Variants in PECAM1 observed in about 807,000 individuals in gnomAD.
PECAM1 encodes the protein platelet and endothelial cell adhesion molecule 1.
Under a neutral mutation model 13.8 loss-of-function variants are expected in PECAM1, and 8 were observed. The ratio of observed to expected loss-of-function variants is 0.58; its 90% CI spans 0.34 to 1.05. PECAM1 has a LOEUF of 1.05. Among genes scored for constraint, PECAM1 ranks in the 50% least tolerant of loss-of-function variants. The pLI is 0.03. For missense variants in PECAM1, 304 were observed against 141.2 expected (o/e 2.15, Z -5.84); for synonymous variants, 136 against 52.6 (o/e 2.58, Z -6.86).
At chr17:64,352,098 TA>T (rs1467299680) in intron 11 of PECAM1, among the ~76,000 whole-genome samples, 1 of 152,224 alleles carries the variant, frequency 6.6e-6, no homozygotes, top group African/African-American at 2.4e-5. Context: ...TGGAGAATTA[TA>T]ATATTACGCT....
intron 15 of PECAM1, among the ~76,000 whole-genome samples, chr17:64,328,139 A>G (rs2035007998): frequency 6.6e-6 from 1 of 152,184 alleles, no homozygotes; most frequent in Non-Finnish European, 1.5e-5. Flanking sequence ...TTCTGGGTAA[A>G]GTTCTGTCTG....
At chr17:64,338,650 C>G (rs1047832868) in intron 14 of PECAM1, among the ~76,000 whole-genome samples, 33 of 152,130 alleles carry the variant, frequency 2.2e-4, no homozygotes, top group African/African-American at 7.5e-4. Context: ...CTCTGCCTCC[C>G]GGGTTCAAGC....
intron 2 of PECAM1, among the ~76,000 whole-genome samples, chr17:64,385,115 C>CGA (rs2036565075): frequency 6.6e-6 from 1 of 152,204 alleles, no homozygotes; most frequent in African/African-American, 2.4e-5. Context: ...GATTTCCTTA[C>CGA]TGAACCCAAA....
chr17:64,370,565 T>C (rs2036217043), intron 4 of PECAM1: 1 of 152,234 alleles, frequency 6.6e-6, no homozygotes, highest in Non-Finnish European at 1.5e-5. Flanking sequence ...TCATGACTCA[T>C]GCAGTTTGAA....
chr17:64,333,177 A>G (rs1295402418), intron 14 of PECAM1, among the ~76,000 whole-genome samples: 1 of 152,118 alleles, frequency 6.6e-6, no homozygotes, highest in Non-Finnish European at 1.5e-5. Context: ...AGCAACAAAA[A>G]AGTAGAAGAT....
chr17:64,331,017 C>T (rs141923108), intron 14 of PECAM1, among the ~76,000 whole-genome samples: 70 of 152,206 alleles, frequency 4.6e-4, no homozygotes, highest in African/African-American at 1.4e-3. Flanking sequence ...ATAACACCAC[C>T]GGTATCCTCT....
intron 8 of PECAM1, among the ~76,000 whole-genome samples, chr17:64,355,497 T>C (rs1266441305): frequency 2.0e-5 from 3 of 152,076 alleles, no homozygotes; most frequent in Non-Finnish European, 4.4e-5. Flanking sequence ...TCTTGCTCTG[T>C]TGCCCAGGCT....
intron 15 of PECAM1, among the ~76,000 whole-genome samples, chr17:64,329,177 C>G (rs1375531408): frequency 6.6e-6 from 1 of 152,112 alleles, no homozygotes; most frequent in Non-Finnish European, 1.5e-5. Flanking sequence ...AGGCCACTAG[C>G]TAGGTCTCTG....
chr17:64,373,151 A>ATAAG (rs878873870), intron 4 of PECAM1, among the ~76,000 whole-genome samples: 8 of 150,270 alleles, frequency 5.3e-5, no homozygotes, highest in African/African-American at 1.2e-4. Flanking sequence ...AAATAAAAAA[A>ATAAG]AAAGAAAATG....
At chr17:64,328,712 A>T (rs2035023633) in intron 15 of PECAM1, among the ~76,000 whole-genome samples, 1 of 152,240 alleles carries the variant, frequency 6.6e-6, no homozygotes, top group African/African-American at 2.4e-5. Flanking sequence ...CCAGGGGCCC[A>T]CTGGAAGAGC....
At chr17:64,330,822 C>T (rs148151273) in intron 14 of PECAM1, among the ~76,000 whole-genome samples, 3 of 151,758 alleles carry the variant, frequency 2.0e-5, no homozygotes, top group Non-Finnish European at 2.9e-5. Context: ...TATAATTATA[C>T]AGTATATGCC....
At chr17:64,370,124 T>G (rs1342795339) in intron 4 of PECAM1, 99 bp from the exon 5 acceptor site, 1 of 397,824 alleles carries the variant, frequency 2.5e-6, no homozygotes, top group African/African-American at 2.1e-5. Flanking sequence ...CAAACTTCTA[T>G]TGTTCCTAAC....
intron 2 of PECAM1, among the ~76,000 whole-genome samples, chr17:64,388,950 G>T (rs1221913042): frequency 5.3e-5 from 8 of 152,188 alleles, no homozygotes; most frequent in African/African-American, 1.9e-4. Flanking sequence ...TTACAGGTGT[G>T]AGCCAACGCG....
intron 11 of PECAM1, among the ~76,000 whole-genome samples, chr17:64,351,621 G>A (rs1464542553): frequency 6.6e-6 from 1 of 152,090 alleles, no homozygotes; most frequent in Non-Finnish European, 1.5e-5. Context: ...AGGCTGAGAT[G>A]GGAGGATCAC....
chr17:64,347,708 T>TG (rs2035611362), intron 13 of PECAM1, among the ~76,000 whole-genome samples: 17 of 143,488 alleles, frequency 1.2e-4, no homozygotes, highest in African/African-American at 3.6e-4. Context: ...TATTTATATA[T>TG]TATATATATT....
At chr17:64,329,959 T>G (rs1555646373) in intron 14 of PECAM1, among the ~76,000 whole-genome samples, 3 of 151,712 alleles carry the variant, frequency 2.0e-5, no homozygotes, top group African/African-American at 7.3e-5. Context: ...TTTAAAATTT[T>G]CTTTATTTTT....
intron 15 of PECAM1, among the ~76,000 whole-genome samples, chr17:64,329,044 C>G (rs1488700537): frequency 2.6e-5 from 4 of 152,048 alleles, no homozygotes; most frequent in Admixed American, 2.6e-4. Context: ...TCTTCTTTTC[C>G]CATCCCACAC....
rs944511520 is a variant in PECAM1 at position 64,372,737 on chromosome 17, A to T, written c.691+2314T>A. Among the ~76,000 whole-genome samples the T allele has an allele frequency of 5.3e-5, 8 of 152,060 alleles. No individual in the cohort carries two copies. In the South Asian group the frequency reaches 1.7e-3, roughly 32 times the overall value. ...AGGCTGGTCTCAAACTCCTGATTTCAGGTGATCCGCCTGCCTCAGCCTCCC... is the reference window on the plus strand; with the variant it reads ...AGGCTGGTCTCAAACTCCTGATTTCTGGTGATCCGCCTGCCTCAGCCTCCC... On this transcript the variant is annotated intron_variant, in intron 4 of 15. Transcript: ENST00000563924.
Position 64,321,687 on chromosome 17 carries a change from G to T in PECAM1, c.*2129C>A. On this transcript the variant is annotated 3_prime_UTR_variant, in exon 16 of 16. Transcript: ENST00000563924. ...GAGATGGGAGGATCGCTTGAGCCCAGGGGTTCGAGGCTGCGGTGAGCCATT... is the reference window on the plus strand; with the variant it reads ...GAGATGGGAGGATCGCTTGAGCCCATGGGTTCGAGGCTGCGGTGAGCCATT... 1.3e-6 allele frequency: 1 copy of T among 753,236 alleles called. No individual in the cohort carries two copies. 46.7% of individuals were successfully genotyped at this position (753,236 alleles called of 1,614,324 possible).
Sources: allele counts gnomAD v4.1 joint callset (sites outside exome capture counted in the v4.1 genomes callset), GRCh38; gene constraint gnomAD v4.1.1; transcripts MANE v1.5; gene names NCBI Gene and HGNC (gene_info 2026-07-23, HGNC 2026-07-21).